Variants in CSMD3 observed in about 807,000 individuals in gnomAD.
CSMD3 encodes CUB and Sushi multiple domains 3.
CSMD3 carries 177 observed loss-of-function variants against 435.2 expected under a neutral mutation model. The observed-to-expected ratio is 0.41, with a 90% CI of 0.36 to 0.46. CSMD3 has a LOEUF of 0.46. CSMD3 is among the 20% of genes least tolerant of loss of function. The pLI is 0.34. For synonymous variants in CSMD3, 1,656 were observed against 1,520.5 expected (o/e 1.09, Z -2.07); for missense variants, 4,265 against 4,504.6 (o/e 0.95, Z 1.52).
chr8:112,772,431 C>T (rs1158788484), intron 13 of CSMD3, among the ~76,000 whole-genome samples: 1 of 152,092 alleles, frequency 6.6e-6, no homozygotes, highest in African/African-American at 2.4e-5. Context: ...GTCATCACCA[C>T]TCCCTAATCT....
intron 13 of CSMD3, among the ~76,000 whole-genome samples, chr8:112,722,630 A>G (rs1470450546): frequency 6.6e-6 from 1 of 152,112 alleles, no homozygotes; most frequent in Non-Finnish European, 1.5e-5. Flanking sequence ...CAGAATGCCA[A>G]TGTGGCAAAA....
intron 1 of CSMD3, among the ~76,000 whole-genome samples, chr8:113,420,004 C>T (rs2094602234): frequency 6.6e-6 from 1 of 151,954 alleles, no homozygotes; most frequent in South Asian, 2.1e-4. Flanking sequence ...TAATTTGAAA[C>T]TAACAAAAGC....
At chr8:113,257,235 C>T (rs2093389249) in intron 3 of CSMD3, among the ~76,000 whole-genome samples, 1 of 152,056 alleles carries the variant, frequency 6.6e-6, no homozygotes, top group African/African-American at 2.4e-5. Flanking sequence ...GGTGAAACCA[C>T]CTCCCTACTA....
At position 112,630,550 on chromosome 8, in the gene CSMD3, A is replaced by G. The variant is rs888892644; in HGVS notation, c.3715+6267T>C. On this transcript the variant is annotated intron_variant, in intron 22 of 70. Transcript: ENST00000297405. Reference sequence around the variant, plus strand: ...TGCCGTGTATTATTATTCTTATGCTACTATGTTAATCTTTTTGAGGACCAA... The same window carrying G: ...TGCCGTGTATTATTATTCTTATGCTGCTATGTTAATCTTTTTGAGGACCAA... Among the ~76,000 whole-genome samples, 89 of 152,086 alleles carry G rather than the reference A, an allele frequency of 5.9e-4. 1 individual carries two copies. The highest frequency in any genetic ancestry group is 1.9e-4 in the Non-Finnish European group (13 of 68,026).
chr8:113,301,197 A>C (rs958015542), intron 2 of CSMD3, among the ~76,000 whole-genome samples: 1 of 152,074 alleles, frequency 6.6e-6, no homozygotes, highest in Admixed American at 6.6e-5. Context: ...AATGAAACAA[A>C]ATGTGAGCAG....
chr8:112,971,182 A>G (rs1040213022), intron 7 of CSMD3, among the ~76,000 whole-genome samples: 8 of 152,196 alleles, frequency 5.3e-5, no homozygotes, highest in Admixed American at 5.2e-4. Context: ...ATTTAAAGTT[A>G]TGTAGACCGC....
At chr8:112,919,416 G>A (rs573755206) in intron 10 of CSMD3, among the ~76,000 whole-genome samples, 1 of 151,804 alleles carries the variant, frequency 6.6e-6, no homozygotes, top group Non-Finnish European at 1.5e-5. Context: ...TCATAAGTAT[G>A]ATTCATCTTT....
intron 27 of CSMD3, among the ~76,000 whole-genome samples, chr8:112,529,163 G>A (rs989447872): frequency 3.9e-5 from 6 of 152,098 alleles, no homozygotes; most frequent in South Asian, 4.1e-4. Context: ...CAACTTTGCC[G>A]GGATTGCCTA....
chr8:112,660,800 C>T (rs896885301), intron 17 of CSMD3, among the ~76,000 whole-genome samples: 1 of 152,140 alleles, frequency 6.6e-6, no homozygotes, highest in South Asian at 2.1e-4. Flanking sequence ...ATTCTTAAAG[C>T]ATTGTAACTC....
chr8:112,983,528 CCAGA>C (rs1564177292), intron 6 of CSMD3, among the ~76,000 whole-genome samples: 1 of 149,976 alleles, frequency 6.7e-6, no homozygotes, highest in East Asian at 1.9e-4. Context: ...TCTCTCATAA[CCAGA>C]CAAATAACTT....
At chr8:112,824,865 G>A (rs987353611) in intron 12 of CSMD3, among the ~76,000 whole-genome samples, 1 of 152,108 alleles carries the variant, frequency 6.6e-6, no homozygotes, top group African/African-American at 2.4e-5. Flanking sequence ...TGCTAGGTTG[G>A]GGAAGTTTAC....
chr8:112,666,577 A>G (rs934064035), intron 16 of CSMD3, among the ~76,000 whole-genome samples, 162 bp from the exon 17 acceptor site: 25 of 152,172 alleles, frequency 1.6e-4, no homozygotes, highest in Non-Finnish European at 7.4e-5. Flanking sequence ...ACTTCTGTTA[A>G]ATGATTATTT....
At chr8:113,322,365 T>A (rs2093954939) in intron 1 of CSMD3, among the ~76,000 whole-genome samples, 1 of 152,180 alleles carries the variant, frequency 6.6e-6, no homozygotes, top group Non-Finnish European at 1.5e-5. Context: ...GGATAGAGAT[T>A]AATTTATTTT....
At chr8:112,861,211 T>C (rs546685242) in intron 10 of CSMD3, among the ~76,000 whole-genome samples, 1 of 151,926 alleles carries the variant, frequency 6.6e-6, no homozygotes, top group Non-Finnish European at 1.5e-5. Flanking sequence ...CTGAACCCCT[T>C]TTCTAGACTC....
Position 113,268,420 on chromosome 8 carries a change from T to G in CSMD3, c.514+10172A>C, listed in dbSNP as rs1358735147. Among the ~76,000 whole-genome samples, 5 of 151,950 alleles carry G rather than the reference T, an allele frequency of 3.3e-5. No homozygotes were observed. In the South Asian group the frequency reaches 6.2e-4, roughly 19 times the overall value. On this transcript the variant is annotated intron_variant, in intron 3 of 70. Transcript: ENST00000297405. ...AAAACCTAAGTTCTGTGAAACAAACTTTGGGAAATTCAAGTGTATGGTAGA... is the reference window on the plus strand; with the variant it reads ...AAAACCTAAGTTCTGTGAAACAAACGTTGGGAAATTCAAGTGTATGGTAGA...
At chr8:112,828,239 T>C (rs1564001448) in intron 12 of CSMD3, among the ~76,000 whole-genome samples, 1 of 152,208 alleles carries the variant, frequency 6.6e-6, no homozygotes, top group Non-Finnish European at 1.5e-5. Flanking sequence ...GCTGATCATT[T>C]TCAAGAGAGG....
intron 5 of CSMD3, among the ~76,000 whole-genome samples, chr8:113,091,042 T>C (rs1265873522): frequency 1.3e-5 from 2 of 152,174 alleles, no homozygotes; most frequent in East Asian, 3.9e-4. Context: ...GATATATCTA[T>C]CTTTTTATAC....
At chr8:113,321,617 G>A (rs1407007363) in intron 1 of CSMD3, among the ~76,000 whole-genome samples, 1 of 151,960 alleles carries the variant, frequency 6.6e-6, no homozygotes, top group African/African-American at 2.4e-5. Flanking sequence ...ATGCCATTGT[G>A]GTTTGAGCAA....
intron 13 of CSMD3, among the ~76,000 whole-genome samples, chr8:112,776,990 A>G (rs1358019297): frequency 2.6e-5 from 4 of 151,816 alleles, no homozygotes; most frequent in Admixed American, 6.6e-5. Context: ...ATGATTAAGC[A>G]TGGGAAAAGC....
Sources: allele counts gnomAD v4.1 joint callset (sites outside exome capture counted in the v4.1 genomes callset), GRCh38; gene constraint gnomAD v4.1.1; transcripts MANE v1.5; gene names NCBI Gene and HGNC (gene_info 2026-07-23, HGNC 2026-07-21).